ZP3: variants seen among roughly 807,000 people sequenced by gnomAD.
The protein encoded by ZP3 is zona pellucida glycoprotein 3, also known as zona pellucida sperm-binding protein 3.
A neutral mutation model predicts 35.6 loss-of-function variants in ZP3; 21 were observed. The ratio of observed to expected loss-of-function variants is 0.59; its 90% confidence interval spans 0.42 to 0.85. The LOEUF (loss-of-function observed/expected upper bound fraction) is 0.85. ZP3 is among the 40% of genes least tolerant of loss of function. ZP3 has a pLI of 0.00. For synonymous variants in ZP3, 207 were observed against 214.5 expected, an observed-to-expected ratio of 0.96 and a Z score of 0.31; for missense variants, 437 against 536.5, an observed-to-expected ratio of 0.81 and a Z score of 1.83.
chr7:76,438,492 T>G (rs1441245228), intron 5 of ZP3, among the ~76,000 whole-genome samples: 2 of 133,960 alleles, frequency 1.5e-5, no homozygotes, highest in Non-Finnish European at 3.1e-5. Flanking sequence ...TCGGAGGTAG[T>G]GGCTACAGTG....
chr7:76,441,035 G>T (rs1438496779), intron 7 of ZP3, among the ~76,000 whole-genome samples: 1 of 151,050 alleles, frequency 6.6e-6, no homozygotes, highest in Non-Finnish European at 1.5e-5. Flanking sequence ...GCTGGGCGTG[G>T]TGGTACATGC....
chr7:76,432,406 G>A (rs1004194289), intron 2 of ZP3, among the ~76,000 whole-genome samples: 15 of 152,082 alleles, frequency 9.9e-5, no homozygotes, highest in Non-Finnish European at 1.3e-4. Context: ...GGATGGTCTC[G>A]ATCTCCTGAC....
At position 76,437,420 on chromosome 7, in the gene ZP3, C is replaced by T. The variant is rs1806051804; in HGVS notation, c.832-2830C>T. 2.0e-5 allele frequency among the ~76,000 whole-genome samples: 3 copies of T among 151,610 alleles called. No homozygotes were observed. In the South Asian group the frequency reaches 6.3e-4, roughly 32 times the overall value. On this transcript the variant is annotated intron_variant, in intron 5 of 7. Transcript: ENST00000394857. ...TAAACTCCTGACCTCAGGTGATCCACCTGCCTCAGCAAGTGCTGGGATTAC... is the reference window on the plus strand; with the variant it reads ...TAAACTCCTGACCTCAGGTGATCCATCTGCCTCAGCAAGTGCTGGGATTAC...
intron 1 of ZP3, among the ~76,000 whole-genome samples, chr7:76,425,596 G>T (rs1805627542): frequency 6.6e-6 from 1 of 151,838 alleles, no homozygotes; most frequent in Non-Finnish European, 1.5e-5. Flanking sequence ...CCTGTGGGTA[G>T]CCTAAGGGGC....
chr7:76,424,988 C>T lies in ZP3; in HGVS notation c.24C>T (p.Phe8=). MELSYRL[F]ICLLLWGSTE... is the part of the protein sequence containing the mutation. ...CCATGGAGCTGAGCTATAGGCTCTTCATCTGCCTCCTGCTCTGGGGTAGTA... is the reference window on the plus strand; with the variant it reads ...CCATGGAGCTGAGCTATAGGCTCTTTATCTGCCTCCTGCTCTGGGGTAGTA... The change falls in exon 1 of 8, where the codon TTC becomes TTT. Residue 8 remains phenylalanine, a synonymous_variant. Transcript: ENST00000394857. 2 of 1,549,264 alleles carry T rather than the reference C, an allele frequency of 1.3e-6. No homozygotes were observed. The highest frequency in any genetic ancestry group is 1.2e-5 in the South Asian group (1 of 84,914).
At chr7:76,423,044 A>AAAGT (rs1805554875), upstream of ZP3, among the ~76,000 whole-genome samples, 1 of 143,874 alleles carries the variant, frequency 7.0e-6, no homozygotes, top group African/African-American at 2.7e-5. Context: ...AGAAAGAAAG[A>AAAGT]AAGAAAGAAA....
intron 1 of ZP3, among the ~76,000 whole-genome samples, chr7:76,418,733 A>G (rs534851656): frequency 4.3e-4 from 65 of 150,160 alleles, no homozygotes; most frequent in East Asian, 1.2e-3. Context: ...GCAGGCGCCT[A>G]TAGTCCCAGC....
In ZP3 at chr7:76,432,935, A is replaced by T. The variant is rs1329280972; in HGVS notation, c.440A>T (p.Asn147Ile). The stretch of plus-strand genomic sequence containing the variant: ...TGCTGTTCTTCTCTCAGGCAGGGCA[A>T]TGTGAGCAGCCAGGCCATCCTGCCC... ...PIECRYPRQG[N>I]VSSQAILPTW... The change falls in exon 3 of 8, where the codon AAT becomes ATT. Residue 147 changes from asparagine to isoleucine, a missense_variant. By Grantham distance (149) the Asn-to-Ile change is moderately radical. This residue lies in a region of ZP3 where 352 missense variants were observed against 308.4 expected (regional missense o/e 1.14). Transcript: ENST00000394857. The T allele has an allele frequency of 1.2e-6, 2 of 1,613,856 alleles. No homozygotes were observed. Among genetic ancestry groups the T allele is most frequent in the African/African-American group, 1.3e-5 (1 of 74,926 alleles).
intron 5 of ZP3, among the ~76,000 whole-genome samples, chr7:76,435,138 A>C (rs988100134): frequency 2.0e-5 from 3 of 151,728 alleles, no homozygotes; most frequent in Admixed American, 1.3e-4. Flanking sequence ...CGAGGTCAGG[A>C]GATTGAGACC....
chr7:76,401,180 A>G, intron 1 of ZP3: 1 of 1,246,286 alleles, frequency 8.0e-7, no homozygotes, highest in South Asian at 1.6e-5. Context: ...GCTTTGCCAA[A>G]GCCCCATTGT....
intron 1 of ZP3, chr7:76,409,652 G>A (rs905203444): frequency 2.6e-5 from 4 of 152,454 alleles, no homozygotes; most frequent in African/African-American, 9.6e-5. Flanking sequence ...AAGAAGCAAA[G>A]GGGAGTGGAG....
intron 1 of ZP3, among the ~76,000 whole-genome samples, chr7:76,403,729 T>C (rs1235857821): frequency 6.6e-6 from 1 of 151,812 alleles, no homozygotes; most frequent in Non-Finnish European, 1.5e-5. Context: ...TGGCGTGATC[T>C]TGGCTCACTG....
At chr7:76,410,994 C>CG (rs1805227120) in intron 1 of ZP3, among the ~76,000 whole-genome samples, 2 of 61,066 alleles carry the variant, frequency 3.3e-5, no homozygotes, top group African/African-American at 1.2e-4. Flanking sequence ...GACTCCATCT[C>CG]AAAAGAAAAA....
upstream of ZP3, among the ~76,000 whole-genome samples, chr7:76,421,624 A>G (rs1805506883): frequency 6.8e-6 from 1 of 147,496 alleles, no homozygotes; most frequent in African/African-American, 2.5e-5. Context: ...TTTTTTTGAG[A>G]TGGAGTCTCG....
At chr7:76,440,845 A>ATAAT (rs1806176967) in intron 7 of ZP3, among the ~76,000 whole-genome samples, 1 of 152,064 alleles carries the variant, frequency 6.6e-6, no homozygotes, top group Non-Finnish European at 1.5e-5. Context: ...CTACTGAGAC[A>ATAAT]TAATTAGGCA....
At chr7:76,419,729 CTCTT>C (rs1325930169) in intron 1 of ZP3, among the ~76,000 whole-genome samples, 3 of 149,370 alleles carry the variant, frequency 2.0e-5, no homozygotes, top group Admixed American at 6.8e-5. Flanking sequence ...CTCCCTCTAT[CTCTT>C]TCTTTCTTTC....
chr7:76,425,659 A>G (rs1480642951), intron 1 of ZP3, among the ~76,000 whole-genome samples: 2 of 152,180 alleles, frequency 1.3e-5, no homozygotes, highest in African/African-American at 4.8e-5. Context: ...CCCAAAGTAT[A>G]CATTATCTTA....
intron 1 of ZP3, among the ~76,000 whole-genome samples, chr7:76,412,587 C>A (rs547230199): frequency 6.6e-6 from 1 of 152,164 alleles, no homozygotes; most frequent in East Asian, 1.9e-4. Flanking sequence ...CAGTGGCTCA[C>A]GCCTATAATC....
intron 1 of ZP3, among the ~76,000 whole-genome samples, chr7:76,407,181 G>A (rs2115818480): frequency 6.6e-6 from 1 of 152,174 alleles, no homozygotes; most frequent in East Asian, 1.9e-4. Flanking sequence ...GGCTGGTCTG[G>A]AACTCCTGAC....
Sources: gnomAD v4.1 joint callset for allele counts (sites outside exome capture counted in the v4.1 genomes callset) on GRCh38, gnomAD v4.1.1 for gene constraint, gnomAD v4.1.1 regional missense constraint, MANE v1.5 for transcripts, NCBI Gene and HGNC (gene_info 2026-07-23, HGNC 2026-07-21) for gene names.